OSMR: variants seen among roughly 807,000 people sequenced by gnomAD.
OSMR encodes the protein oncostatin M receptor, also known as oncostatin-M-specific receptor subunit beta.
OSMR carries 81 observed loss-of-function variants against 99.9 expected under a neutral mutation model. That is an observed-to-expected ratio of 0.81 (90% CI 0.68 to 0.97). The LOEUF (loss-of-function observed/expected upper bound fraction) is 0.97, where lower values mean the gene tolerates loss of function less well. OSMR is among the 50% of genes least tolerant of loss of function. OSMR has a pLI of 0.00. For missense variants in OSMR, 1,099 were observed against 1,153.4 expected, an observed-to-expected ratio of 0.95 and a Z score of 0.68; for synonymous variants, 406 against 410.4, an observed-to-expected ratio of 0.99 and a Z score of 0.13.
At chr5:38,922,630 G>A (rs1746287337) in intron 12 of OSMR, among the ~76,000 whole-genome samples, 2 of 152,180 alleles carry the variant, frequency 1.3e-5, no homozygotes, top group Non-Finnish European at 2.9e-5. Flanking sequence ...GTCCCTGCAG[G>A]CTTTGCTGGA....
chr5:38,916,951 G>A (rs1745933650), intron 9 of OSMR, among the ~76,000 whole-genome samples: 1 of 152,114 alleles, frequency 6.6e-6, no homozygotes, highest in Non-Finnish European at 1.5e-5. Flanking sequence ...CATGGTGAGA[G>A]CCACAATAGA....
intron 1 of OSMR, among the ~76,000 whole-genome samples, chr5:38,846,744 C>A (rs1739862567): frequency 6.6e-6 from 1 of 152,154 alleles, no homozygotes; most frequent in African/African-American, 2.4e-5. Context: ...CCGTCCGGGG[C>A]GCTTACCTTC....
chr5:38,871,733 T>C (rs1742399885), intron 2 of OSMR, among the ~76,000 whole-genome samples: 1 of 152,208 alleles, frequency 6.6e-6, no homozygotes, highest in African/African-American at 2.4e-5. Context: ...TAAATAAAAG[T>C]TAAATTATAG....
downstream of OSMR, among the ~76,000 whole-genome samples, chr5:38,936,695 T>C (rs1409763683): frequency 6.6e-6 from 1 of 152,188 alleles, no homozygotes; most frequent in African/African-American, 2.4e-5. Flanking sequence ...TCTCAAATAA[T>C]TTACAAAGCA....
At chr5:38,864,762 C>A (rs1421410447) in intron 1 of OSMR, among the ~76,000 whole-genome samples, 1 of 152,072 alleles carries the variant, frequency 6.6e-6, no homozygotes, top group East Asian at 1.9e-4. Context: ...CTTTCTGTAT[C>A]TGATGTCTAT....
chr5:38,862,092 T>C (rs1259801871), intron 1 of OSMR, among the ~76,000 whole-genome samples: 28 of 10,218 alleles, frequency 2.7e-3, no homozygotes, highest in Admixed American at 8.7e-3. Flanking sequence ...GCTGGCCGGG[T>C]GGGGGGCTGA....
Position 38,931,890 on chromosome 5 carries a change from G to C in OSMR, c.2220G>C (p.Met740Ile). The C allele has an allele frequency of 6.2e-7, 1 of 1,613,320 alleles. No individual in the cohort carries two copies. Among genetic ancestry groups the C allele is most frequent in the Non-Finnish European group, 8.5e-7 (1 of 1,179,342 alleles). Residue 740 changes from methionine to isoleucine, a missense_variant, in exon 16 of 18, where the codon ATG becomes ATC. Coordinates refer to ENST00000274276, the MANE Select transcript of OSMR (RefSeq NM_003999.3). ...KVTTPDEHSS[M>I]LIHILLPMVF... ...TTCTTTTTCCTCGTTCAGCCTCGAT[G>C]CTGATTCATATCCTACTGCCCATGG...
chr5:38,861,069 C>T (rs1416885161), intron 1 of OSMR, among the ~76,000 whole-genome samples: 1 of 152,070 alleles, frequency 6.6e-6, no homozygotes, highest in Non-Finnish European at 1.5e-5. Flanking sequence ...TAGTTTTATT[C>T]TGTTGTGGTT....
chr5:38,925,592 A>G (rs929252293), intron 15 of OSMR, among the ~76,000 whole-genome samples: 1 of 152,170 alleles, frequency 6.6e-6, no homozygotes, highest in Non-Finnish European at 1.5e-5. Flanking sequence ...AATCTGTCTG[A>G]TTAAGGCCTA....
At chr5:38,914,317 T>C (rs1023159129) in intron 9 of OSMR, among the ~76,000 whole-genome samples, 1 of 152,204 alleles carries the variant, frequency 6.6e-6, no homozygotes, top group Non-Finnish European at 1.5e-5. Flanking sequence ...CTATTGCCTT[T>C]TCTAATGAGG....
intron 1 of OSMR, among the ~76,000 whole-genome samples, chr5:38,866,857 G>A (rs1741990018): frequency 6.6e-6 from 1 of 152,160 alleles, no homozygotes; most frequent in Non-Finnish European, 1.5e-5. Flanking sequence ...GGAGTTCACA[G>A]TAGGAATATG....
intron 1 of OSMR, among the ~76,000 whole-genome samples, chr5:38,862,993 C>G (rs1436927021): frequency 6.6e-6 from 1 of 151,998 alleles, no homozygotes; most frequent in Non-Finnish European, 1.5e-5. Context: ...GAAACCCTGT[C>G]TCCACCAAAA....
intron 2 of OSMR, among the ~76,000 whole-genome samples, chr5:38,875,613 G>C (rs1386629788): frequency 6.6e-6 from 1 of 152,096 alleles, no homozygotes; most frequent in Non-Finnish European, 1.5e-5. Flanking sequence ...TCTCCAACTA[G>C]CTTCCTTCTT....
At chr5:38,929,639 A>AAAC (rs1423724201) in intron 15 of OSMR, among the ~76,000 whole-genome samples, 1 of 152,206 alleles carries the variant, frequency 6.6e-6, no homozygotes, top group African/African-American at 2.4e-5. Context: ...CAATTTTGGA[A>AAAC]AACTCCTTGG....
chr5:38,870,118 A>C (rs867501453), intron 2 of OSMR, among the ~76,000 whole-genome samples: 3 of 152,046 alleles, frequency 2.0e-5, no homozygotes, highest in African/African-American at 4.8e-5. Flanking sequence ...TTTTAGGTCC[A>C]GGGCACATGG....
intron 11 of OSMR, chr5:38,919,380 C>G (rs967462141): frequency 1.5e-6 from 2 of 1,327,608 alleles, no homozygotes; most frequent in African/African-American, 3.0e-5. Flanking sequence ...GTTGGAGTTA[C>G]TATTTATGAT....
intron 15 of OSMR, among the ~76,000 whole-genome samples, chr5:38,928,139 A>G (rs1012946849): frequency 6.6e-6 from 1 of 151,414 alleles, no homozygotes; most frequent in African/African-American, 2.5e-5. Flanking sequence ...GGAAGTTCCA[A>G]ACTTTCCAAC....
chr5:38,866,994 G>A (rs1049481117), intron 1 of OSMR, among the ~76,000 whole-genome samples: 3 of 152,082 alleles, frequency 2.0e-5, no homozygotes, highest in Admixed American at 1.3e-4. Flanking sequence ...TCACTTCCCT[G>A]CTGAATTCCA....
chr5:38,931,810 T>A, intron 15 of OSMR, 73 bp from the exon 16 acceptor site: 1 of 1,577,386 alleles, frequency 6.3e-7, no homozygotes, highest in Non-Finnish European at 8.7e-7. Flanking sequence ...CTTTCAATCA[T>A]AAACTTGTAT....
Sources: allele counts gnomAD v4.1 joint callset (sites outside exome capture counted in the v4.1 genomes callset), GRCh38; gene constraint gnomAD v4.1.1; transcripts MANE v1.5; gene names NCBI Gene and HGNC (gene_info 2026-07-23, HGNC 2026-07-21).